Variants in NALF1 observed in about 807,000 individuals in gnomAD.
The protein encoded by NALF1 is family with sequence similarity 155 member A.
In NALF1, 3 loss-of-function variants were observed where a neutral mutation model predicts 48.4. That is an observed-to-expected ratio of 0.06 (90% CI 0.03 to 0.16). The LOEUF (loss-of-function observed/expected upper bound fraction) is 0.16. Among genes scored for constraint, NALF1 ranks in the 10% least tolerant of loss-of-function variants. The probability of loss-of-function intolerance (pLI) is 1.00; values close to 1 mark genes in which losing one functional copy is unlikely to be tolerated. For missense variants in NALF1, 526 were observed against 571.5 expected, an observed-to-expected ratio of 0.92 and a Z score of 0.81; for synonymous variants, 262 against 245.7, an observed-to-expected ratio of 1.07 and a Z score of -0.62.
chr13:107,228,838 C>T (rs1345026450), intron 1 of NALF1, among the ~76,000 whole-genome samples: 1 of 152,112 alleles, frequency 6.6e-6, no homozygotes, highest in Non-Finnish European at 1.5e-5. Flanking sequence ...CCAGGCTGGT[C>T]TTGAACTCCT....
rs540008879 is a variant in NALF1 at position 107,672,026 on chromosome 13, G to A, written c.915+193656C>T. On this transcript the variant is annotated intron_variant, in intron 1 of 2. Transcript: ENST00000375915. ...AAAAAAAAATCTACCTCATTGGTTC[G>A]TAAGAATGAAAATCAGAAAAGGCTG... is the stretch of plus-strand genomic sequence containing the variant. 3.3e-5 allele frequency among the ~76,000 whole-genome samples: 5 copies of A among 152,146 alleles called. No individual in the cohort carries two copies. The East Asian group carries it at 5.8e-4, about 18-fold the overall frequency.
chr13:107,750,129 A>T (rs1876894437), intron 1 of NALF1, among the ~76,000 whole-genome samples: 1 of 152,168 alleles, frequency 6.6e-6, no homozygotes. Flanking sequence ...GATTTAAAGC[A>T]TTGCCTCGGC....
chr13:107,431,058 G>A (rs4772879), intron 1 of NALF1, among the ~76,000 whole-genome samples: 41,269 of 141,914 alleles, frequency 0.29, 5,749 homozygotes, highest in East Asian at 0.5. Flanking sequence ...CAGTGATGAT[G>A]AGCATTTTTT....
intron 1 of NALF1, among the ~76,000 whole-genome samples, chr13:107,425,007 AAAG>A (rs1432858372): frequency 6.6e-6 from 1 of 152,194 alleles, no homozygotes; most frequent in Non-Finnish European, 1.5e-5. Context: ...ATTCAGTGAG[AAAG>A]AAGTATTTGC....
chr13:107,384,675 T>G (rs2138977094), intron 1 of NALF1, among the ~76,000 whole-genome samples: 1 of 152,360 alleles, frequency 6.6e-6, no homozygotes, highest in East Asian at 1.9e-4. Flanking sequence ...TTTGTGTGCC[T>G]TATATTGATT....
At chr13:107,695,157 C>G (rs1881670833) in intron 1 of NALF1, among the ~76,000 whole-genome samples, 1 of 152,012 alleles carries the variant, frequency 6.6e-6, no homozygotes, top group Non-Finnish European at 1.5e-5. Context: ...AGTTCCTTAC[C>G]CTCTAAGCCT....
chr13:107,336,537 C>T (rs1205454812), intron 1 of NALF1, among the ~76,000 whole-genome samples: 6 of 152,022 alleles, frequency 3.9e-5, no homozygotes, highest in Non-Finnish European at 7.4e-5. Context: ...AATATGCTCC[C>T]ATTCTACAGA....
intron 1 of NALF1, among the ~76,000 whole-genome samples, chr13:107,599,057 T>C (rs562860100): frequency 6.6e-6 from 1 of 152,336 alleles, no homozygotes; most frequent in South Asian, 2.1e-4. Flanking sequence ...GTTATTTTAC[T>C]GAACATTTGT....
intron 1 of NALF1, among the ~76,000 whole-genome samples, chr13:107,522,196 T>C (rs1400007926): frequency 1.3e-5 from 2 of 152,210 alleles, no homozygotes; most frequent in African/African-American, 4.8e-5. Flanking sequence ...TTCCCAGAGC[T>C]GGGCCTTATG....
intron 1 of NALF1, among the ~76,000 whole-genome samples, chr13:107,802,490 A>T (rs2138598132): frequency 6.6e-6 from 1 of 152,194 alleles, no homozygotes. Context: ...TGTAATTTGC[A>T]ATTTTACAAA....
intron 1 of NALF1, among the ~76,000 whole-genome samples, chr13:107,783,219 G>A (rs1267837779): frequency 7.8e-6 from 1 of 128,036 alleles, no homozygotes; most frequent in Admixed American, 8.1e-5. Context: ...CCGGCCAGCC[G>A]CCCCGTCCGG....
At chr13:107,318,235 A>G (rs1882187577) in intron 1 of NALF1, among the ~76,000 whole-genome samples, 1 of 152,174 alleles carries the variant, frequency 6.6e-6, no homozygotes, top group Non-Finnish European at 1.5e-5. Context: ...ATCATTCAAA[A>G]TATAACAAAG....
chr13:107,176,987 C>T (rs1236357814), intron 2 of NALF1, among the ~76,000 whole-genome samples: 5 of 151,850 alleles, frequency 3.3e-5, no homozygotes, highest in Non-Finnish European at 1.5e-5. Context: ...AAAAACTCCA[C>T]CAAAAAACTG....
rs554856891 is a variant in NALF1 at position 107,823,901 on chromosome 13, G to T, written c.915+41781C>A. On this transcript the variant is annotated intron_variant, in intron 1 of 2. Coordinates refer to ENST00000375915, the MANE Select transcript of NALF1 (RefSeq NM_001080396.3). ...TGCTTACTGCATAAGGCTGTTGGGA[G>T]AAATCAATGATTTAATACATGTAAA... Among the ~76,000 whole-genome samples, 5 of 152,208 alleles carry T rather than the reference G, an allele frequency of 3.3e-5. No individual in the cohort carries two copies. In the East Asian group the frequency reaches 9.7e-4, roughly 29 times the overall value.
intron 1 of NALF1, among the ~76,000 whole-genome samples, chr13:107,858,874 G>GCT (rs1880500598): frequency 6.6e-6 from 1 of 152,124 alleles, no homozygotes; most frequent in African/African-American, 2.4e-5. Flanking sequence ...ATTAAAGATT[G>GCT]CTCTAGGGCT....
chr13:107,749,293 A>G (rs1876868876), intron 1 of NALF1, among the ~76,000 whole-genome samples: 1 of 152,094 alleles, frequency 6.6e-6, no homozygotes, highest in Non-Finnish European at 1.5e-5. Flanking sequence ...AAGGAGCTAG[A>G]GAAAAATTTA....
chr13:107,659,083 C>G (rs1880658837), intron 1 of NALF1, among the ~76,000 whole-genome samples: 1 of 149,884 alleles, frequency 6.7e-6, no homozygotes, highest in South Asian at 2.1e-4. Flanking sequence ...ATACCCCCCT[C>G]AACTAGCCAG....
Position 107,210,572 on chromosome 13 carries a change from C to A in NALF1, c.1087+12G>T. The stretch of plus-strand genomic sequence containing the variant: ...CGGAGACTGGTGTACAGACTCCCAC[C>A]CGGCACTGTACCTGTACAGATGAAA... On this transcript the variant is annotated intron_variant, in intron 2 of 2. Coordinates refer to ENST00000375915, the MANE Select transcript of NALF1 (RefSeq NM_001080396.3). 6.3e-7 allele frequency: 1 copy of A among 1,599,788 alleles called. No individual in the cohort carries two copies. The highest frequency in any genetic ancestry group is 8.6e-7 in the Non-Finnish European group (1 of 1,167,422).
intron 1 of NALF1, among the ~76,000 whole-genome samples, chr13:107,750,654 T>TTG (rs1876912626): frequency 6.6e-6 from 1 of 151,320 alleles, no homozygotes; most frequent in Admixed American, 6.6e-5. Flanking sequence ...TAGTAACAGG[T>TTG]AACAGTACGC....
Sources: allele counts gnomAD v4.1 joint callset (sites outside exome capture counted in the v4.1 genomes callset), GRCh38; gene constraint gnomAD v4.1.1; transcripts MANE v1.5; gene names NCBI Gene and HGNC (gene_info 2026-07-23, HGNC 2026-07-21).